The following KPNB1 variants were observed in gnomAD, a reference collection of about 807,000 sequenced individuals.
KPNB1 encodes importin subunit beta-1.
In KPNB1, 7 loss-of-function variants were observed where a neutral mutation model predicts 113.0. The observed-to-expected ratio is 0.06, with a 90% confidence interval of 0.04 to 0.12. The LOEUF (loss-of-function observed/expected upper bound fraction) is 0.12. KPNB1 is among the 10% of genes least tolerant of loss of function. The probability of loss-of-function intolerance (pLI) is 1.00; values close to 1 mark genes in which losing one functional copy is unlikely to be tolerated. For synonymous variants in KPNB1, 363 were observed against 378.6 expected, an observed-to-expected ratio of 0.96 and a Z score of 0.48; for missense variants, 400 against 1,054.8, an observed-to-expected ratio of 0.38 and a Z score of 8.60.
chr17:47,672,774 C>T (rs932014145), intron 12 of KPNB1, among the ~76,000 whole-genome samples: 2 of 152,074 alleles, frequency 1.3e-5, no homozygotes, highest in Admixed American at 6.5e-5. Flanking sequence ...ACCATTTTTT[C>T]CTCTATAATT....
At chr17:47,666,209 C>G (rs1351400135) in intron 9 of KPNB1, among the ~76,000 whole-genome samples, 1 of 151,828 alleles carries the variant, frequency 6.6e-6, no homozygotes, top group Non-Finnish European at 1.5e-5. Flanking sequence ...CGCACCACCA[C>G]GCCCAGCTAA....
At position 47,680,698 on chromosome 17, in the gene KPNB1, C is replaced by T. The variant is rs1329836035; in HGVS notation, c.2630+29C>T. The T allele has an allele frequency of 2.5e-6, 4 of 1,601,296 alleles. No homozygotes were observed. In the South Asian group the frequency reaches 3.3e-5, roughly 13 times the overall value. On this transcript the variant is annotated intron_variant, in intron 21 of 21. Transcript: ENST00000290158. Reference sequence around the variant, plus strand: ...AGATCTTGCCTCCACTGTCCTCTTTCTTCTACTTCCTGGAGGAGGGGGGTA... The same window carrying T: ...AGATCTTGCCTCCACTGTCCTCTTTTTTCTACTTCCTGGAGGAGGGGGGTA...
chr17:47,654,443 T>G (rs983620408), intron 3 of KPNB1, among the ~76,000 whole-genome samples: 1 of 148,854 alleles, frequency 6.7e-6, no homozygotes, highest in Non-Finnish European at 1.5e-5. Context: ...AAAAATTAGA[T>G]AATTTGTATA....
Position 47,674,718 on chromosome 17 carries a change from A to G in KPNB1, c.1848A>G (p.Gln616=). 1 of 1,614,234 alleles carries G rather than the reference A, an allele frequency of 6.2e-7. No homozygotes were observed. The stretch of plus-strand genomic sequence containing the variant: ...TGGCCTCCCTGTTAAGGATGTTCCA[A>G]AGCACAGCTGGGTCTGGGGGAGTAC... The part of the protein sequence containing the change: ...VVMASLLRMF[Q]STAGSGGVQE... Residue 616 remains glutamine (Q), a synonymous_variant, in exon 15 of 22, where the codon CAA becomes CAG. Transcript: ENST00000290158.
chr17:47,652,920 G>A (rs1358412730), intron 3 of KPNB1, 44 bp downstream of exon 3: 2 of 1,436,776 alleles, frequency 1.4e-6, no homozygotes, highest in African/African-American at 1.4e-5. Flanking sequence ...CAGAGAACAA[G>A]AAATCGCTTT....
chr17:47,664,808 G>C (rs2030217017), intron 8 of KPNB1, among the ~76,000 whole-genome samples: 1 of 152,082 alleles, frequency 6.6e-6, no homozygotes, highest in Non-Finnish European at 1.5e-5. Flanking sequence ...ATATCAGGTT[G>C]TCCATATGAA....
chr17:47,658,340 T>C (rs8078686), intron 4 of KPNB1, among the ~76,000 whole-genome samples, 168 bp from the exon 5 acceptor site: 75,388 of 152,052 alleles, frequency 0.5, 19,232 homozygotes, highest in East Asian at 0.68. Flanking sequence ...AAGGGAATGA[T>C]GACAAGAAAA....
At chr17:47,675,358 GTTGTTTTTTTT>G (rs891819116) in intron 15 of KPNB1, among the ~76,000 whole-genome samples, 23 of 88,812 alleles carry the variant, frequency 2.6e-4, no homozygotes, top group Non-Finnish European at 4.2e-4. Context: ...TGGCAGAGGT[GTTGTTTTTTTT>G]TTGTTTTTTT....
Position 47,683,811 on chromosome 17 carries a change from TC to T in KPNB1, c.*1409del, listed in dbSNP as rs2143197574. 6.5e-6 allele frequency: 1 copy of T among 152,708 alleles called. No homozygotes were observed. Among genetic ancestry groups the T allele is most frequent in the East Asian group, 1.9e-4 (1 of 5,182 alleles). 9.5% of individuals were successfully genotyped at this position (152,708 alleles called of 1,614,324 possible). On this transcript the variant is annotated 3_prime_UTR_variant, in exon 22 of 22. Transcript: ENST00000290158. ...TGGCACTTGGAAAAGGTTTTATTTT[TC>T]CACTGAAGTTGAAGGTTAATAAAAT...
At chr17:47,652,993 A>G (rs568544999) in intron 3 of KPNB1, 117 bp downstream of exon 3, 98 of 619,418 alleles carry the variant, frequency 1.6e-4, no homozygotes, top group African/African-American at 1.6e-3. Flanking sequence ...TGGGACCTCA[A>G]CTTTACCTAA....
chr17:47,675,361 G>GTTTTTT (rs1166648701), intron 15 of KPNB1, among the ~76,000 whole-genome samples: 1,049 of 88,454 alleles, frequency 0.012, 195 homozygotes, highest in Non-Finnish European at 0.015. Flanking sequence ...CAGAGGTGTT[G>GTTTTTT]TTTTTTTTTT....
Position 47,679,231 on chromosome 17 carries a change from CTTCT to C in KPNB1, c.2354-786_2354-783del, listed in dbSNP as rs1294450945. Among the ~76,000 whole-genome samples the C allele has an allele frequency of 1.6e-4, 25 of 152,232 alleles. No homozygotes were observed. The East Asian group carries it at 4.6e-3, about 28-fold the overall frequency. ...GTGAGCCACTGCACCCAGCCCTCTG[CTTCT>C]TTTTCTCATATTTCTTGAGTATTAC... On this transcript the variant is annotated intron_variant, in intron 19 of 21. Transcript: ENST00000290158.
At chr17:47,651,169 A>C in intron 2 of KPNB1, 1 of 978,678 alleles carries the variant, frequency 1.0e-6, no homozygotes, top group South Asian at 4.7e-5. Flanking sequence ...ATCACAGGGG[A>C]AAGTTCCTCG....
chr17:47,664,120 C>T, intron 7 of KPNB1, 39 bp from the exon 8 acceptor site: 1 of 1,332,274 alleles, frequency 7.5e-7, no homozygotes, highest in Non-Finnish European at 1.1e-6. Context: ...TCACTTGAAT[C>T]AGTACTTATT....
At chr17:47,652,188 T>G (rs1170368131) in intron 2 of KPNB1, among the ~76,000 whole-genome samples, 3 of 152,212 alleles carry the variant, frequency 2.0e-5, no homozygotes, top group Non-Finnish European at 4.4e-5. Flanking sequence ...AAAGCTACCC[T>G]GCTGCTGCCA....
Position 47,649,923 on chromosome 17 carries a change from C to A in KPNB1, c.-322C>A. ...CGCCTTCCTCCCTCCCTCGCTCCCT[C>A]CCTGCGCGCCGCCTCTCACTCACAG... On this transcript the variant is annotated 5_prime_UTR_variant, in exon 1 of 22. Transcript: ENST00000290158. 1 of 1,279,856 alleles carries A rather than the reference C, an allele frequency of 7.8e-7. No homozygotes were observed. The highest frequency in any genetic ancestry group is 9.9e-7 in the Non-Finnish European group (1 of 1,013,940). The allele number at this position is 1,279,856 out of a possible 1,614,324, so 79.3% of individuals were successfully genotyped here. A position where few individuals can be genotyped will look rare whatever the true frequency, so the allele number is the denominator to read the frequency against.
rs749342482 is a variant in KPNB1 at position 47,660,195 on chromosome 17, AC to A, written c.637-923del. Among the ~76,000 whole-genome samples, 257 of 152,280 alleles carry A rather than the reference AC, an allele frequency of 1.7e-3. 1 individual carries two copies. Among genetic ancestry groups the A allele is most frequent in the Non-Finnish European group, 3.3e-3 (223 of 68,024 alleles). ...TTTTACTACTCTAACGAAATACCTTACGTAAGTGGAATCATATTTGTCTTTT... is the reference window on the plus strand; with the variant it reads ...TTTTACTACTCTAACGAAATACCTTAGTAAGTGGAATCATATTTGTCTTTT... On this transcript the variant is annotated intron_variant, in intron 5 of 21. Transcript: ENST00000290158.
At chr17:47,662,391 T>A (rs955111525) in intron 6 of KPNB1, among the ~76,000 whole-genome samples, 4 of 151,606 alleles carry the variant, frequency 2.6e-5, no homozygotes, top group Non-Finnish European at 5.9e-5. Flanking sequence ...TGGAGACCAG[T>A]CTGGGCAACA....
intron 15 of KPNB1, among the ~76,000 whole-genome samples, chr17:47,675,375 T>TTTTTTTG (rs2030580213): frequency 8.4e-6 from 1 of 119,490 alleles, no homozygotes; most frequent in African/African-American, 3.7e-5. Context: ...TTTTTTTGTT[T>TTTTTTTG]TTTTTTTTTG....
Sources: gnomAD v4.1 joint callset for allele counts (sites outside exome capture counted in the v4.1 genomes callset) on GRCh38, gnomAD v4.1.1 for gene constraint, MANE v1.5 for transcripts, NCBI Gene and HGNC (gene_info 2026-07-23, HGNC 2026-07-21) for gene names.